LSAMP: variants seen among roughly 807,000 people sequenced by gnomAD.
LSAMP encodes limbic system associated membrane protein, also known as limbic system-associated membrane protein.
In LSAMP, 7 loss-of-function variants were observed where a neutral mutation model predicts 38.6. The observed-to-expected ratio is 0.18, with a 90% CI of 0.10 to 0.34. The LOEUF (loss-of-function observed/expected upper bound fraction) is 0.34, where lower values mean the gene tolerates loss of function less well. Among genes scored for constraint, LSAMP ranks in the 10% least tolerant of loss-of-function variants. LSAMP has a pLI of 1.00. For missense variants in LSAMP, 313 were observed against 420.0 expected (o/e 0.75, Z 2.23); for synonymous variants, 154 against 166.8 (o/e 0.92, Z 0.59).
chr3:116,383,359 T>C (rs2048586808), intron 1 of LSAMP, among the ~76,000 whole-genome samples: 1 of 151,954 alleles, frequency 6.6e-6, no homozygotes, highest in Non-Finnish European at 1.5e-5. Context: ...TAAATTTCCA[T>C]GGTGATGAAT....
At chr3:116,330,610 A>ACTAG (rs2047838637) in intron 1 of LSAMP, among the ~76,000 whole-genome samples, 1 of 152,060 alleles carries the variant, frequency 6.6e-6, no homozygotes, top group Non-Finnish European at 1.5e-5. Context: ...AGCATTAATA[A>ACTAG]CTAGCACATT....
At chr3:116,089,503 G>A (rs1265162860) in intron 1 of LSAMP, among the ~76,000 whole-genome samples, 4 of 152,028 alleles carry the variant, frequency 2.6e-5, no homozygotes, top group Admixed American at 6.6e-5. Context: ...CACTACAGGC[G>A]CCTGCCACCA....
At chr3:115,928,325 T>TA (rs1937523550) in intron 3 of LSAMP, among the ~76,000 whole-genome samples, 3 of 152,216 alleles carry the variant, frequency 2.0e-5, no homozygotes. Context: ...TTAAAACCAC[T>TA]GTTCATAGAA....
chr3:115,820,420 G>A (rs1318992163), intron 6 of LSAMP, among the ~76,000 whole-genome samples: 1 of 152,190 alleles, frequency 6.6e-6, no homozygotes, highest in Non-Finnish European at 1.5e-5. Context: ...GAATGTACTA[G>A]GCTTTCTGGA....
chr3:115,889,699 T>C (rs1460227252), intron 3 of LSAMP, among the ~76,000 whole-genome samples: 1 of 151,918 alleles, frequency 6.6e-6, no homozygotes, highest in South Asian at 2.1e-4. Context: ...GGTAACCCTA[T>C]AAGAGAAGTT....
chr3:116,331,453 T>C (rs921972704), intron 1 of LSAMP, among the ~76,000 whole-genome samples: 1 of 152,160 alleles, frequency 6.6e-6, no homozygotes, highest in South Asian at 2.1e-4. Flanking sequence ...AGACACATTA[T>C]AATCAAACTT....
rs544262435 is a variant in LSAMP, at chr3:116,352,657, C to A, written c.155+92220G>T. Among the ~76,000 whole-genome samples the A allele has an allele frequency of 6.6e-5, 10 of 152,208 alleles. No individual in the cohort carries two copies. In the South Asian group the frequency reaches 2.1e-3, roughly 32 times the overall value. On this transcript the variant is annotated intron_variant, in intron 1 of 6. Coordinates refer to ENST00000490035, the MANE Select transcript of LSAMP (RefSeq NM_002338.5). ...GTGATGTACCTCAAAGTAAAACATT[C>A]AAATAACTGAAAGTTATCTCGTTAA...
At chr3:116,153,041 A>G (rs1709647433) in intron 1 of LSAMP, among the ~76,000 whole-genome samples, 1 of 152,080 alleles carries the variant, frequency 6.6e-6, no homozygotes, top group South Asian at 2.1e-4. Context: ...TTCTATATTT[A>G]AATAATTTTA....
intron 6 of LSAMP, among the ~76,000 whole-genome samples, chr3:115,826,296 T>C (rs1934407505): frequency 2.0e-5 from 3 of 151,774 alleles, no homozygotes; most frequent in African/African-American, 4.8e-5. Flanking sequence ...TTGTATTTTT[T>C]AGTAGAGACG....
chr3:115,903,984 C>T (rs1349258026), intron 3 of LSAMP, among the ~76,000 whole-genome samples: 10 of 152,132 alleles, frequency 6.6e-5, no homozygotes, highest in African/African-American at 1.4e-4. Flanking sequence ...ATAAATGACA[C>T]ATTACTGCAG....
intron 1 of LSAMP, among the ~76,000 whole-genome samples, chr3:116,142,154 T>C (rs934872385): frequency 3.3e-5 from 5 of 152,018 alleles, no homozygotes; most frequent in Non-Finnish European, 5.9e-5. Flanking sequence ...AGTAGTTTAT[T>C]TTTTTGGACA....
At chr3:116,341,733 G>T (rs2047998227) in intron 1 of LSAMP, among the ~76,000 whole-genome samples, 1 of 151,932 alleles carries the variant, frequency 6.6e-6, no homozygotes, top group African/African-American at 2.4e-5. Context: ...TTATGTTGGG[G>T]CAGAGCAAAA....
At chr3:116,187,638 A>T (rs1350774989) in intron 1 of LSAMP, among the ~76,000 whole-genome samples, 1 of 152,094 alleles carries the variant, frequency 6.6e-6, no homozygotes, top group East Asian at 1.9e-4. Context: ...GATATTACAC[A>T]GTAAGGTACT....
intron 3 of LSAMP, among the ~76,000 whole-genome samples, chr3:115,910,937 G>A (rs929149647): frequency 2.0e-5 from 3 of 152,086 alleles, no homozygotes; most frequent in Admixed American, 6.5e-5. Context: ...TAACAATGAC[G>A]TATATTTCAA....
chr3:116,081,651 ACT>A (rs1707875462), intron 2 of LSAMP, among the ~76,000 whole-genome samples: 1 of 152,012 alleles, frequency 6.6e-6, no homozygotes, highest in African/African-American at 2.4e-5. Context: ...AAGGAGTCCC[ACT>A]CTCATATTTT....
chr3:116,075,817 A>G (rs546412417), intron 2 of LSAMP, among the ~76,000 whole-genome samples: 81 of 152,246 alleles, frequency 5.3e-4, no homozygotes, highest in African/African-American at 1.9e-3. Flanking sequence ...TTGGGATTAC[A>G]AGTGTGAGCC....
chr3:116,293,033 G>C (rs1203342096), intron 1 of LSAMP, among the ~76,000 whole-genome samples: 2 of 152,106 alleles, frequency 1.3e-5, no homozygotes, highest in Admixed American at 6.6e-5. Context: ...ATGAACACCA[G>C]CCCAAAGAGG....
At chr3:116,077,799 G>A (rs1707780016) in intron 2 of LSAMP, among the ~76,000 whole-genome samples, 1 of 152,194 alleles carries the variant, frequency 6.6e-6, no homozygotes, top group South Asian at 2.1e-4. Context: ...CTCTTGGGCA[G>A]TTCTTCAGTC....
chr3:115,913,428 G>C (rs748335874), intron 3 of LSAMP, among the ~76,000 whole-genome samples: 4 of 152,180 alleles, frequency 2.6e-5, no homozygotes, highest in Admixed American at 1.3e-4. Context: ...CTTCTGACAG[G>C]CTACAAATAT....
Sources: allele counts gnomAD v4.1 joint callset (sites outside exome capture counted in the v4.1 genomes callset), GRCh38; gene constraint gnomAD v4.1.1; transcripts MANE v1.5; gene names NCBI Gene and HGNC (gene_info 2026-07-23, HGNC 2026-07-21).